SPAG17: variants seen among roughly 807,000 people sequenced by gnomAD.
The protein encoded by SPAG17 is sperm-associated antigen 17.
SPAG17 carries 169 observed loss-of-function variants against 273.6 expected under a neutral mutation model. That is an observed-to-expected ratio of 0.62 (90% CI 0.55 to 0.70). The LOEUF is 0.70. SPAG17 is among the 30% of genes least tolerant of loss of function. The pLI, the probability that SPAG17 is intolerant of heterozygous loss-of-function variation, is 0.00. For missense variants in SPAG17, 2,557 were observed against 2,627.8 expected, an observed-to-expected ratio of 0.97 and a Z score of 0.59; for synonymous variants, 825 against 873.2, an observed-to-expected ratio of 0.94 and a Z score of 0.97.
chr1:117,997,680 T>A lies in SPAG17; in HGVS notation c.4777-937A>T, dbSNP rs1170572386. Among the ~76,000 whole-genome samples the A allele has an allele frequency of 2.6e-5, 4 of 152,136 alleles. No individual in the cohort carries two copies. In the East Asian group the frequency reaches 7.7e-4, roughly 29 times the overall value. ...TTTTAGAGTTTGAGTTTGCAGGCCA[T>A]ACATTCTCTGTTGCAGCTACTCAAC... On this transcript the variant is annotated intron_variant, in intron 32 of 48. Coordinates refer to ENST00000336338, the MANE Select transcript of SPAG17 (RefSeq NM_206996.4).
At chr1:118,126,905 T>C (rs921810202) in intron 3 of SPAG17, among the ~76,000 whole-genome samples, 2 of 152,204 alleles carry the variant, frequency 1.3e-5, no homozygotes, top group Non-Finnish European at 2.9e-5. Flanking sequence ...CTTCTGCATA[T>C]GGATATCCAG....
intron 1 of SPAG17, among the ~76,000 whole-genome samples, chr1:118,169,177 T>C (rs937429007): frequency 2.4e-4 from 36 of 152,302 alleles, no homozygotes; most frequent in African/African-American, 7.9e-4. Context: ...ACATATAACA[T>C]CTAGGTGGAT....
chr1:118,081,011 A>C, intron 15 of SPAG17, 90 bp downstream of exon 15: 1 of 991,168 alleles, frequency 1.0e-6, no homozygotes, highest in South Asian at 1.5e-5. Flanking sequence ...AAATTCAAAT[A>C]ATGCATCTTA....
intron 44 of SPAG17, 95 bp downstream of exon 44, chr1:117,973,330 A>AT: frequency 6.8e-7 from 1 of 1,478,608 alleles, no homozygotes; most frequent in Non-Finnish European, 9.2e-7. Flanking sequence ...ATTACATAAA[A>AT]TCTACAAAAG....
At position 118,039,404 on chromosome 1, in the gene SPAG17, G is replaced by A. The variant is rs372276372; in HGVS notation, c.3207C>T (p.His1069=). Residue 1069 remains histidine, a synonymous_variant, in exon 23 of 49, where the codon CAC becomes CAT. Coordinates refer to ENST00000336338, the MANE Select transcript of SPAG17 (RefSeq NM_206996.4). The part of the protein sequence containing the change: ...FIKVRVVKDN[H]NFMIHLNDPK... ...GGTCATTTAAATGAATCATAAAATT[G>A]TGGTTGTCCTTTACCACTCTCACTT... 4 of 1,613,272 alleles carry A rather than the reference G, an allele frequency of 2.5e-6. No individual in the cohort carries two copies. Among genetic ancestry groups the A allele is most frequent in the Middle Eastern group, 1.6e-4 (1 of 6,084 alleles).
At chr1:118,004,434 A>G (rs1658644975) in intron 32 of SPAG17, among the ~76,000 whole-genome samples, 1 of 152,188 alleles carries the variant, frequency 6.6e-6, no homozygotes, top group Admixed American at 6.5e-5. Flanking sequence ...TGGAGACTAG[A>G]GGCAGTAGGC....
chr1:118,072,940 G>A (rs1252941195), intron 17 of SPAG17, among the ~76,000 whole-genome samples: 1 of 151,890 alleles, frequency 6.6e-6, no homozygotes, highest in Non-Finnish European at 1.5e-5. Context: ...AGAGATCACC[G>A]AGTAAAGTAA....
At chr1:118,145,540 A>T (rs1226365844) in intron 3 of SPAG17, among the ~76,000 whole-genome samples, 1 of 152,214 alleles carries the variant, frequency 6.6e-6, no homozygotes, top group Non-Finnish European at 1.5e-5. Context: ...TCTACATTTT[A>T]TTAAACTGCA....
intron 5 of SPAG17, 136 bp from the exon 6 acceptor site, chr1:118,099,936 G>A: frequency 1.5e-6 from 1 of 673,080 alleles, no homozygotes; most frequent in Non-Finnish European, 2.4e-6. Context: ...CAGTTGGCTG[G>A]AATGCAGTCA....
chr1:118,085,706 G>A (rs1461457753), intron 13 of SPAG17, among the ~76,000 whole-genome samples: 1 of 152,148 alleles, frequency 6.6e-6, no homozygotes, highest in African/African-American at 2.4e-5. Flanking sequence ...AAACCCCAGT[G>A]TATCAAATTG....
chr1:118,097,240 A>AG (rs1200605256), intron 7 of SPAG17, among the ~76,000 whole-genome samples: 2 of 141,996 alleles, frequency 1.4e-5, no homozygotes, highest in African/African-American at 2.5e-5. Context: ...AAAAAAAAAA[A>AG]GGGGGGAATA....
chr1:118,142,748 C>A (rs185613430), intron 3 of SPAG17, among the ~76,000 whole-genome samples: 15 of 152,202 alleles, frequency 9.9e-5, no homozygotes, highest in Non-Finnish European at 1.8e-4. Context: ...TTATGTAACT[C>A]GTGCAAGATT....
chr1:118,119,568 A>G (rs544885887), intron 3 of SPAG17, among the ~76,000 whole-genome samples: 13 of 152,292 alleles, frequency 8.5e-5, no homozygotes, highest in Admixed American at 1.3e-4. Flanking sequence ...AATTCACAAC[A>G]TATGACTTCA....
At chr1:118,044,919 T>G (rs1418877113) in intron 20 of SPAG17, among the ~76,000 whole-genome samples, 14 of 152,176 alleles carry the variant, frequency 9.2e-5, no homozygotes, top group Non-Finnish European at 2.9e-5. Context: ...TATATCTCTT[T>G]TCTTAATAAA....
chr1:118,162,441 G>A (rs1464820517), intron 1 of SPAG17, among the ~76,000 whole-genome samples: 4 of 152,076 alleles, frequency 2.6e-5, no homozygotes, highest in Admixed American at 1.3e-4. Context: ...TTACTGAGGG[G>A]TTACAAAAAT....
chr1:118,058,473 CTGGGAA>C (rs1651939207), intron 18 of SPAG17, among the ~76,000 whole-genome samples: 1 of 152,122 alleles, frequency 6.6e-6, no homozygotes, highest in Non-Finnish European at 1.5e-5. Context: ...TCCCAAAATG[CTGGGAA>C]TATAGGCATG....
intron 48 of SPAG17, chr1:117,960,862 A>G (rs545570520): frequency 6.6e-6 from 1 of 152,376 alleles, no homozygotes; most frequent in Admixed American, 6.5e-5. Flanking sequence ...ATGGCAGTAA[A>G]TGATAAAATA....
At chr1:118,151,542 G>C (rs1201354486) in intron 1 of SPAG17, among the ~76,000 whole-genome samples, 173 bp from the exon 2 acceptor site, 6 of 152,214 alleles carry the variant, frequency 3.9e-5, no homozygotes, top group Non-Finnish European at 5.9e-5. Flanking sequence ...CGGCAGTATT[G>C]TGCCAAATTT....
At chr1:117,998,280 C>T (rs1413625882) in intron 32 of SPAG17, among the ~76,000 whole-genome samples, 1 of 152,096 alleles carries the variant, frequency 6.6e-6, no homozygotes, top group Non-Finnish European at 1.5e-5. Flanking sequence ...TATAGCTAGC[C>T]ATTTATCCCA....
Sources: gnomAD v4.1 joint callset for allele counts (sites outside exome capture counted in the v4.1 genomes callset) on GRCh38, gnomAD v4.1.1 for gene constraint, MANE v1.5 for transcripts, NCBI Gene and HGNC (gene_info 2026-07-23, HGNC 2026-07-21) for gene names.